LY96: variants seen among roughly 807,000 people sequenced by gnomAD.
The protein encoded by LY96 is lymphocyte antigen 96.
Under a neutral mutation model 18.9 loss-of-function variants are expected in LY96, and 18 were observed. The ratio of observed to expected loss-of-function variants is 0.95; its 90% confidence interval spans 0.66 to 1.41. LY96 has a LOEUF of 1.41. Ranked by LOEUF, LY96 falls within the 40% of genes most tolerant of loss-of-function variation. LY96 has a pLI of 0.00. For synonymous variants in LY96, 66 were observed against 62.6 expected (o/e 1.06, Z -0.26); for missense variants, 175 against 182.4 (o/e 0.96, Z 0.23).
At chr8:74,016,290 G>A (rs1816640938) in intron 3 of LY96, among the ~76,000 whole-genome samples, 1 of 152,232 alleles carries the variant, frequency 6.6e-6, no homozygotes, top group Admixed American at 6.5e-5. Context: ...TGAACTGCAA[G>A]GCAGCAGCCT....
At chr8:74,017,985 T>C (rs895562542) in intron 3 of LY96, among the ~76,000 whole-genome samples, 3 of 152,172 alleles carry the variant, frequency 2.0e-5, no homozygotes, top group Non-Finnish European at 4.4e-5. Flanking sequence ...AGGAAGAAAC[T>C]GCATAAATTA....
Position 74,010,200 on chromosome 8 carries a change from A to G in LY96, c.331+71A>G, listed in dbSNP as rs11466002. Reference sequence around the variant, plus strand: ...TATGAAAATGTTATGAAAATTAAATACATTGAAAATGGGAAGTTCCTTTTC... The same window carrying G: ...TATGAAAATGTTATGAAAATTAAATGCATTGAAAATGGGAAGTTCCTTTTC... On this transcript the variant is annotated intron_variant, in intron 3 of 4. Coordinates refer to ENST00000284818, the MANE Select transcript of LY96 (RefSeq NM_015364.5). 7,330 of 1,427,596 alleles carry G rather than the reference A, an allele frequency of 5.1e-3. 291 individuals are homozygous for G. The African/African-American group carries it at 0.086, about 17-fold the overall frequency. 88.4% of individuals were successfully genotyped at this position (1,427,596 alleles called of 1,614,324 possible). A position where few individuals can be genotyped will look rare whatever the true frequency, so the allele number is the denominator to read the frequency against.
chr8:74,019,573 G>T (rs1020231669), intron 3 of LY96, among the ~76,000 whole-genome samples: 1 of 152,150 alleles, frequency 6.6e-6, no homozygotes, highest in African/African-American at 2.4e-5. Flanking sequence ...CATTTTATGA[G>T]GCCAGCATCA....
intron 2 of LY96, 53 bp downstream of exon 2, chr8:74,004,938 A>G: frequency 6.5e-7 from 1 of 1,529,992 alleles, no homozygotes; most frequent in Non-Finnish European, 9.0e-7. Flanking sequence ...AAGAAATATC[A>G]GTGATAAATG....
chr8:74,094,457 G>C, the LY96 span, among the ~76,000 whole-genome samples: 3 of 152,126 alleles, frequency 2.0e-5, no homozygotes, highest in Non-Finnish European at 4.4e-5. Context: ...TATGTTCTAA[G>C]TAGTTTAAAT....
chr8:74,038,075 A>C, the LY96 span, among the ~76,000 whole-genome samples: 2 of 152,226 alleles, frequency 1.3e-5, no homozygotes, highest in Non-Finnish European at 2.9e-5. Context: ...AATTTTTTTA[A>C]ATCAAAATAG....
chr8:74,098,431 A>G, the LY96 span, among the ~76,000 whole-genome samples: 1 of 152,164 alleles, frequency 6.6e-6, no homozygotes, highest in Non-Finnish European at 1.5e-5. Context: ...GCTAGGGTAC[A>G]GTGGCATGAT....
At chr8:74,024,522 G>A (rs1816828931) in intron 3 of LY96, among the ~76,000 whole-genome samples, 1 of 151,908 alleles carries the variant, frequency 6.6e-6, no homozygotes, top group African/African-American at 2.4e-5. Flanking sequence ...TATGTCCTAG[G>A]CATTGTTCTT....
chr8:74,059,575 G>A, the LY96 span, among the ~76,000 whole-genome samples: 1 of 152,096 alleles, frequency 6.6e-6, no homozygotes, highest in South Asian at 2.1e-4. Context: ...TCAATAAATG[G>A]CATTGCCAAA....
chr8:74,029,211 A>G (rs1459178180), downstream of LY96: 4 of 580,688 alleles, frequency 6.9e-6, no homozygotes, highest in Non-Finnish European at 1.2e-5. Context: ...AAACGGAGGC[A>G]TGGTGCATCA....
chr8:74,067,934 G>T, the LY96 span, among the ~76,000 whole-genome samples: 1 of 151,484 alleles, frequency 6.6e-6, no homozygotes, highest in Admixed American at 6.6e-5. Context: ...GGTGGCACAT[G>T]TCTGTAATCC....
chr8:74,097,707 A>G, the LY96 span, among the ~76,000 whole-genome samples: 849 of 135,766 alleles, frequency 6.3e-3, 6 homozygotes, highest in Non-Finnish European at 7.9e-3. Flanking sequence ...CTCTGTCTCA[A>G]ATAAATAAAT....
At chr8:74,081,627 C>G in the LY96 span, among the ~76,000 whole-genome samples, 14 of 151,802 alleles carry the variant, frequency 9.2e-5, no homozygotes, top group African/African-American at 1.7e-4. Context: ...CTCCTGGGCT[C>G]AAACAATTTT....
chr8:74,088,083 A>AAGAATAGAAT, the LY96 span, among the ~76,000 whole-genome samples: 18,520 of 120,202 alleles, frequency 0.15, 1,721 homozygotes, highest in African/African-American at 0.16. Context: ...TCACTGAGAG[A>AAGAATAGAAT]AGAATAGAAT....
the LY96 span, among the ~76,000 whole-genome samples, chr8:74,092,603 C>T: frequency 6.6e-6 from 1 of 152,282 alleles, no homozygotes; most frequent in African/African-American, 2.4e-5. Context: ...TTCTTGACCT[C>T]CTCCATCCCT....
the LY96 span, among the ~76,000 whole-genome samples, chr8:74,062,013 G>A: frequency 6.6e-6 from 1 of 152,158 alleles, no homozygotes; most frequent in East Asian, 1.9e-4. Flanking sequence ...TGCAAAATGA[G>A]CATGCCCATG....
the LY96 span, among the ~76,000 whole-genome samples, chr8:74,077,167 C>T: frequency 1.3e-5 from 2 of 152,198 alleles, no homozygotes; most frequent in East Asian, 1.9e-4. Context: ...ACACCACCCT[C>T]CCAGCATCTT....
At chr8:74,030,328 C>G (rs1163058353), downstream of LY96, among the ~76,000 whole-genome samples, 1 of 152,088 alleles carries the variant, frequency 6.6e-6, no homozygotes, top group Admixed American at 6.5e-5. Flanking sequence ...GCCTGGCCAA[C>G]ATGGTGAAAT....
At chr8:74,063,175 T>C in the LY96 span, among the ~76,000 whole-genome samples, 395 of 152,300 alleles carry the variant, frequency 2.6e-3, 1 homozygote, top group African/African-American at 9.1e-3. Context: ...GACCAACCCA[T>C]AGGGCTGCTT....
Sources: allele counts gnomAD v4.1 joint callset (sites outside exome capture counted in the v4.1 genomes callset), GRCh38; gene constraint gnomAD v4.1.1; transcripts MANE v1.5; gene names NCBI Gene and HGNC (gene_info 2026-07-23, HGNC 2026-07-21).